IYD: variants seen among roughly 807,000 people sequenced by gnomAD.
The protein encoded by IYD is iodotyrosine deiodinase 1.
In IYD, 25 loss-of-function variants were observed where a neutral mutation model predicts 28.4. The observed-to-expected ratio is 0.88, with a 90% CI of 0.64 to 1.23. The LOEUF is 1.23. Ranked by LOEUF, IYD falls within the 50% of genes most tolerant of loss-of-function variation. IYD has a pLI of 0.00. For missense variants in IYD, 352 were observed against 357.9 expected, an observed-to-expected ratio of 0.98 and a Z score of 0.13; for synonymous variants, 140 against 130.8, an observed-to-expected ratio of 1.07 and a Z score of -0.48.
intron 1 of IYD, among the ~76,000 whole-genome samples, chr6:150,375,283 G>C (rs1666205041): frequency 2.0e-5 from 3 of 152,136 alleles, no homozygotes; most frequent in Admixed American, 2.0e-4. Flanking sequence ...GTTTTGGGGT[G>C]GGCCAAAGTG....
intron 4 of IYD, chr6:150,395,431 T>G: frequency 6.5e-7 from 1 of 1,537,270 alleles, no homozygotes; most frequent in East Asian, 2.4e-5. Flanking sequence ...CTGGCATTGA[T>G]TTCCTTCCTG....
intron 1 of IYD, among the ~76,000 whole-genome samples, chr6:150,375,172 G>A (rs1346365829): frequency 6.6e-6 from 1 of 152,184 alleles, no homozygotes; most frequent in Non-Finnish European, 1.5e-5. Flanking sequence ...ACATCAGGTT[G>A]CAACAGAGAA....
In IYD at chr6:150,400,795, C is replaced by G. The variant is rs1383228706; in HGVS notation, c.*2558C>G. ...CATTTTAACAAGATGCCCAGGTGAT[C>G]TGCATGCCTGTTAAAGTCTGAGCTC... On this transcript the variant is annotated 3_prime_UTR_variant, in exon 5 of 5. Transcript: ENST00000344419. The G allele has an allele frequency of 6.6e-6, 1 of 152,222 alleles. No individual in the cohort carries two copies. Among genetic ancestry groups the G allele is most frequent in the African/African-American group, 2.4e-5 (1 of 41,454 alleles). 9.4% of individuals were successfully genotyped at this position (152,222 alleles called of 1,614,324 possible). A position where few individuals can be genotyped will look rare whatever the true frequency, so the allele number is the denominator to read the frequency against.
chr6:150,395,627 C>T (rs774553256), intron 4 of IYD: 21 of 1,290,204 alleles, frequency 1.6e-5, no homozygotes, highest in Admixed American at 1.6e-4. Context: ...CCCTAGCTTT[C>T]ATAAGGCATA....
At chr6:150,383,682 G>A (rs1777736227) in intron 1 of IYD, among the ~76,000 whole-genome samples, 1 of 151,536 alleles carries the variant, frequency 6.6e-6, no homozygotes. Flanking sequence ...TGGATTTATG[G>A]TCGGGTGCAG....
chr6:150,387,429 TAAA>T (rs35642662), intron 1 of IYD, among the ~76,000 whole-genome samples: 19,603 of 133,826 alleles, frequency 0.15, 2,521 homozygotes, highest in African/African-American at 0.34. Flanking sequence ...AAAGTTCTTG[TAAA>T]AAAAAAAAAA....
chr6:150,393,780 G>A (rs1778207367), intron 3 of IYD, among the ~76,000 whole-genome samples: 1 of 152,136 alleles, frequency 6.6e-6, no homozygotes, highest in Non-Finnish European at 1.5e-5. Context: ...TGTGATTTTG[G>A]CTAAACCTCA....
chr6:150,404,290 T>C lies in IYD; in HGVS notation c.*6053T>C, dbSNP rs1335478467. 1.3e-5 allele frequency: 2 copies of C among 152,248 alleles called. No homozygotes were observed. The highest frequency in any genetic ancestry group is 2.9e-5 in the Non-Finnish European group (2 of 68,044). 9.4% of individuals were successfully genotyped at this position (152,248 alleles called of 1,614,324 possible). On this transcript the variant is annotated 3_prime_UTR_variant, in exon 5 of 5. Coordinates refer to ENST00000344419, the MANE Select transcript of IYD (RefSeq NM_203395.3). ...AATATTGATACTTTCATGTTAAGTTTAGGACTAATCTTGTGTATGCTCCTT... is the reference window on the plus strand; with the variant it reads ...AATATTGATACTTTCATGTTAAGTTCAGGACTAATCTTGTGTATGCTCCTT...
chr6:150,373,122 T>C (rs754327318), intron 1 of IYD, among the ~76,000 whole-genome samples: 2 of 152,210 alleles, frequency 1.3e-5, no homozygotes, highest in Non-Finnish European at 2.9e-5. Context: ...CAAAAGCTAT[T>C]ATTCTAACTG....
At chr6:150,396,654 C>A in intron 4 of IYD, 1 of 422,022 alleles carries the variant, frequency 2.4e-6, no homozygotes, top group Non-Finnish European at 4.2e-6. Flanking sequence ...GCGGGCGGAT[C>A]ACGAGGTCAG....
chr6:150,369,332 A>C, intron 1 of IYD, 123 bp downstream of exon 1: 2 of 898,072 alleles, frequency 2.2e-6, no homozygotes, highest in South Asian at 2.9e-5. Context: ...ATCAACCTCT[A>C]TTGTGCTAAT....
intron 4 of IYD, among the ~76,000 whole-genome samples, chr6:150,394,472 T>C (rs1437205667): frequency 1.3e-5 from 2 of 152,142 alleles, no homozygotes; most frequent in African/African-American, 4.8e-5. Flanking sequence ...GTTAGAAAAA[T>C]TGGTGTTGTG....
intron 4 of IYD, chr6:150,395,244 T>C: frequency 1.6e-6 from 1 of 633,940 alleles, no homozygotes; most frequent in South Asian, 2.0e-5. Flanking sequence ...ACCCATAAAA[T>C]AAATGTAGAA....
chr6:150,395,960 C>T, intron 4 of IYD: 1 of 429,848 alleles, frequency 2.3e-6, no homozygotes, highest in Non-Finnish European at 4.2e-6. Flanking sequence ...GGATGCTCTG[C>T]TTCCATGGTT....
chr6:150,376,509 G>T (rs1777451140), intron 1 of IYD, among the ~76,000 whole-genome samples: 1 of 152,188 alleles, frequency 6.6e-6, no homozygotes, highest in Admixed American at 6.5e-5. Flanking sequence ...AAGGCGAGGG[G>T]TGGAACTTCA....
At chr6:150,370,603 C>T (rs1030795813) in intron 1 of IYD, 8 of 985,282 alleles carry the variant, frequency 8.1e-6, no homozygotes, top group African/African-American at 5.2e-5. Context: ...CCACTCAGAA[C>T]GTCAATTCTA....
intron 1 of IYD, among the ~76,000 whole-genome samples, chr6:150,388,706 T>TC (rs1777994754): frequency 2.5e-5 from 2 of 78,720 alleles, no homozygotes; most frequent in South Asian, 3.6e-4. Context: ...TTCCTTTCTC[T>TC]TTTTTTTTTT....
chr6:150,402,597 T>C lies in IYD; in HGVS notation c.*4360T>C, dbSNP rs935110705. ...ACAGTGAAAGGCATAAAGATTTTCT[T>C]CTGAAACGCTAAGATCGGTTGATAT... On this transcript the variant is annotated 3_prime_UTR_variant, in exon 5 of 5. Transcript: ENST00000344419. 1 of 152,234 alleles carries C rather than the reference T, an allele frequency of 6.6e-6. No homozygotes were observed. The highest frequency in any genetic ancestry group is 1.5e-5 in the Non-Finnish European group (1 of 68,032). The allele number at this position is 152,234 out of a possible 1,614,324, so 9.4% of individuals were successfully genotyped here.
intron 4 of IYD, chr6:150,396,364 C>T (rs1778310098): frequency 3.7e-6 from 2 of 536,952 alleles, no homozygotes; most frequent in Non-Finnish European, 6.5e-6. Context: ...ATAATAAGAC[C>T]AAAGTACTCA....
Sources: allele counts gnomAD v4.1 joint callset (sites outside exome capture counted in the v4.1 genomes callset), GRCh38; gene constraint gnomAD v4.1.1; transcripts MANE v1.5; gene names NCBI Gene and HGNC (gene_info 2026-07-23, HGNC 2026-07-21).